TNRC6C: variants seen among roughly 807,000 people sequenced by gnomAD.
The protein encoded by TNRC6C is trinucleotide repeat-containing gene 6C protein.
TNRC6C carries 20 observed loss-of-function variants against 153.7 expected under a neutral mutation model. The ratio of observed to expected loss-of-function variants is 0.13; its 90% confidence interval spans 0.09 to 0.19. The LOEUF (loss-of-function observed/expected upper bound fraction) is 0.19, where lower values mean the gene tolerates loss of function less well. Among genes scored for constraint, TNRC6C ranks in the 10% least tolerant of loss-of-function variants. The pLI is 1.00. For synonymous variants in TNRC6C, 811 were observed against 841.4 expected (o/e 0.96, Z 0.63); for missense variants, 1,987 against 2,172.0 (o/e 0.91, Z 1.69).
chr17:78,072,915 A>G, intron 6 of TNRC6C, 122 bp from the exon 9 acceptor site: 1 of 644,038 alleles, frequency 1.6e-6, no homozygotes, highest in East Asian at 2.9e-5. Flanking sequence ...AACAGTGAAG[A>G]AATGTATTTC....
chr17:78,031,801 C>G, exon 2 of TNRC6C: 1 of 1,232,300 alleles, frequency 8.1e-7, no homozygotes, highest in Non-Finnish European at 1.0e-6. Flanking sequence ...CCTCCCCTAC[C>G]TGGAGCCGGA....
intron 7 of TNRC6C, among the ~76,000 whole-genome samples, chr17:78,074,457 GACA>G (rs2073050567): frequency 1.3e-5 from 2 of 152,324 alleles, no homozygotes; most frequent in Admixed American, 6.5e-5. Context: ...GTGCACGTGC[GACA>G]ACGTGTGGTG....
rs151284550 is a variant in TNRC6C at position 78,079,571 on chromosome 17, A to G, written c.3357+30A>G. 1.1e-5 allele frequency: 18 copies of G among 1,610,732 alleles called. No individual in the cohort carries two copies. The African/African-American group carries it at 2.1e-4, about 19-fold the overall frequency. Reference sequence around the variant, plus strand: ...GACCCACATCCAAGCAGGACTGAGCAACAGGATATAGATGCCAGTGTTTCG... The same window carrying G: ...GACCCACATCCAAGCAGGACTGAGCGACAGGATATAGATGCCAGTGTTTCG... On this transcript the variant is annotated intron_variant, in intron 10 of 19. Transcript: ENST00000301624. This position sits in a 1 kb window ranked among gnomAD's most constrained non-coding sequence, Gnocchi z 4.3.
intron 2 of TNRC6C, among the ~76,000 whole-genome samples, chr17:78,033,727 T>C (rs183666668): frequency 3.9e-5 from 6 of 152,258 alleles, no homozygotes; most frequent in Admixed American, 3.9e-4. Context: ...CACACACATA[T>C]TGAAGAACAT....
Position 78,049,502 on chromosome 17 carries a change from C to T in TNRC6C, c.440C>T (p.Thr147Ile). The T allele has an allele frequency of 1.9e-6, 3 of 1,614,058 alleles. No individual in the cohort carries two copies. The highest frequency in any genetic ancestry group is 2.5e-6 in the Non-Finnish European group (3 of 1,179,902). Residue 147 changes from threonine to isoleucine, a missense_variant, in exon 3 of 20, where the codon ACT becomes ATT. Transcript: ENST00000301624. The surrounding 1 kb of genome is among the most constrained non-coding windows in gnomAD (Gnocchi z 4.1). The stretch of plus-strand genomic sequence containing the variant: ...AACCAGAACGGGAACCCAACAGGCA[C>T]TTTAGGTGCTTGGGGAAACTTGCTG...
chr17:78,093,854 GGAT>G, intron 16 of TNRC6C, 91 bp downstream of exon 18: 1 of 1,537,050 alleles, frequency 6.5e-7, no homozygotes, highest in Non-Finnish European at 8.8e-7. Context: ...TGTGAGGCAG[GGAT>G]GATACAAGGC....
Position 78,104,815 on chromosome 17 carries a change from TG to T in TNRC6C, c.5047del (p.Asp1683ThrfsTer43), listed in dbSNP as rs1465921847. ...CCACGCCGCTAACCACCCTGCTGCCTGGGGACCTGCTCAGCGGGGAGTCCCT... is the reference window on the plus strand; with the variant it reads ...CCACGCCGCTAACCACCCTGCTGCCTGGGACCTGCTCAGCGGGGAGTCCCT... On this transcript the variant is annotated frameshift_variant, in exon 20 of 20. Coordinates refer to ENST00000301624, the Ensembl canonical transcript of TNRC6C. LOFTEE classifies it high-confidence loss of function. This position sits in a 1 kb window ranked among gnomAD's most constrained non-coding sequence, Gnocchi z 6.2. 2.1e-6 allele frequency: 3 copies of T among 1,439,346 alleles called. No homozygotes were observed. 89.2% of individuals were successfully genotyped at this position (1,439,346 alleles called of 1,614,324 possible).
exon 9 of TNRC6C, chr17:78,077,262 T>C (rs1388369267): frequency 1.9e-6 from 3 of 1,598,426 alleles, no homozygotes; most frequent in Non-Finnish European, 2.6e-6. Flanking sequence ...TTTCACACAG[T>C]GCACTCCCCA....
chr17:78,056,932 A>G (rs1347591375), intron 3 of TNRC6C, among the ~76,000 whole-genome samples: 1 of 151,968 alleles, frequency 6.6e-6, no homozygotes, highest in Admixed American at 6.6e-5. Flanking sequence ...TAAAGAAGAA[A>G]AATGTGCTGT....
At chr17:78,032,850 T>G (rs1402953064) in intron 2 of TNRC6C, among the ~76,000 whole-genome samples, 1 of 152,226 alleles carries the variant, frequency 6.6e-6, no homozygotes, top group African/African-American at 2.4e-5. Context: ...TTAGACAACT[T>G]TACCAAGTCT....
chr17:77,981,054 C>G (rs1297702121), intron 1 of TNRC6C, among the ~76,000 whole-genome samples: 2 of 152,166 alleles, frequency 1.3e-5, no homozygotes, highest in Non-Finnish European at 2.9e-5. Flanking sequence ...CGGCTCACTG[C>G]AGCCTCAACC....
chr17:78,073,166 T>C, intron 7 of TNRC6C, 72 bp downstream of exon 9: 1 of 1,345,248 alleles, frequency 7.4e-7, no homozygotes, highest in Non-Finnish European at 1.0e-6. Context: ...CATTTGATTG[T>C]AGTCATGGTT....
chr17:78,026,546 A>G (rs1366405447), intron 1 of TNRC6C, among the ~76,000 whole-genome samples: 1 of 152,212 alleles, frequency 6.6e-6, no homozygotes. Context: ...GTGCCCTAGA[A>G]TTGATGAAAT....
At chr17:77,980,625 A>C (rs2071062258) in intron 1 of TNRC6C, among the ~76,000 whole-genome samples, 1 of 152,172 alleles carries the variant, frequency 6.6e-6, no homozygotes, top group South Asian at 2.1e-4. Flanking sequence ...CTCAGATCTC[A>C]CAGGTTGAAG....
chr17:77,993,561 C>G (rs1344085986), intron 1 of TNRC6C, among the ~76,000 whole-genome samples: 1 of 152,098 alleles, frequency 6.6e-6, no homozygotes, highest in Non-Finnish European at 1.5e-5. Context: ...CAGTTTGCTC[C>G]AGTAATCAGT....
intron 1 of TNRC6C, among the ~76,000 whole-genome samples, chr17:77,966,158 G>A (rs1431084794): frequency 2.6e-5 from 4 of 152,198 alleles, no homozygotes; most frequent in African/African-American, 7.2e-5. Flanking sequence ...ACATAGTAGG[G>A]ACGGGATATA....
chr17:78,098,604 T>G, intron 17 of TNRC6C, 67 bp downstream of exon 20: 1 of 1,508,214 alleles, frequency 6.6e-7, no homozygotes, highest in Non-Finnish European at 8.9e-7. Context: ...TATCACTTTG[T>G]CCTGTACCTC....
chr17:78,082,814 C>T lies in TNRC6C; in HGVS notation c.3358-233C>T, dbSNP rs75350359. On this transcript the variant is annotated intron_variant, in intron 10 of 19. Coordinates refer to ENST00000301624, the Ensembl canonical transcript of TNRC6C. The stretch of plus-strand genomic sequence containing the variant: ...GCTCTCTGCAGGGGGAAGCACATCA[C>T]GCGCTGTTGGCTCATTCTGGCAGCC... Among the ~76,000 whole-genome samples, 41 of 152,352 alleles carry T rather than the reference C, an allele frequency of 2.7e-4. 3 individuals are homozygous for T. The highest frequency in any genetic ancestry group is 8.7e-4 in the African/African-American group (36 of 41,572).
chr17:78,098,438 A>G, exon 17 of TNRC6C: 1 of 1,613,968 alleles, frequency 6.2e-7, no homozygotes, highest in Non-Finnish European at 8.5e-7. Flanking sequence ...GCCCAGAAAC[A>G]GTACTGCACC....
Sources: allele counts gnomAD v4.1 joint callset (sites outside exome capture counted in the v4.1 genomes callset), GRCh38; gene constraint gnomAD v4.1.1; non-coding constraint Gnocchi (gnomAD v3.1); transcripts MANE v1.5; gene names NCBI Gene and HGNC (gene_info 2026-07-23, HGNC 2026-07-21).